The following CSMD2 variants were observed in gnomAD, a reference collection of about 807,000 sequenced individuals.
CSMD2 encodes CUB and sushi domain-containing protein 2.
CSMD2 carries 130 observed loss-of-function variants against 398.5 expected under a neutral mutation model. The observed-to-expected ratio is 0.33, with a 90% CI of 0.28 to 0.38. The LOEUF is 0.38. CSMD2 is among the 10% of genes least tolerant of loss of function. The pLI is 1.00. For missense variants in CSMD2, 3,829 were observed against 4,764.9 expected, an observed-to-expected ratio of 0.80 and a Z score of 5.78; for synonymous variants, 1,828 against 1,908.5, an observed-to-expected ratio of 0.96 and a Z score of 1.10.
chr1:33,986,191 G>A (rs1646353086), intron 3 of CSMD2, among the ~76,000 whole-genome samples: 1 of 152,108 alleles, frequency 6.6e-6, no homozygotes, highest in Admixed American at 6.5e-5. Context: ...CCTTCACCTT[G>A]AAGCTTTCCA....
chr1:33,636,282 T>G lies in CSMD2; in HGVS notation c.4969+78A>C. The G allele has an allele frequency of 7.1e-7, 1 of 1,411,620 alleles. No homozygotes were observed. The highest frequency in any genetic ancestry group is 9.6e-7 in the Non-Finnish European group (1 of 1,045,900). The allele number at this position is 1,411,620 out of a possible 1,614,324, so 87.4% of individuals were successfully genotyped here. On this transcript the variant is annotated intron_variant, in intron 30 of 70. Coordinates refer to ENST00000373381, the MANE Select transcript of CSMD2 (RefSeq NM_001281956.2). The surrounding 1 kb of genome is among the most constrained non-coding windows in gnomAD (Gnocchi z 4.8). ...GGCTTGAGGACCTTGCCCCCCTCCC[T>G]TCCCCAGCCCACAGCACCCTCTGCC... is the stretch of plus-strand genomic sequence containing the variant.
intron 13 of CSMD2, among the ~76,000 whole-genome samples, chr1:33,760,257 T>C (rs1174716433): frequency 6.6e-6 from 1 of 152,174 alleles, no homozygotes; most frequent in African/African-American, 2.4e-5. Context: ...CATTGAGATG[T>C]TTAGAGGTCT....
chr1:34,093,390 G>A lies in CSMD2; in HGVS notation c.188-4197C>T, dbSNP rs574800225. Among the ~76,000 whole-genome samples the A allele has an allele frequency of 1.4e-3, 206 of 152,292 alleles. 1 individual carries two copies. In the Middle Eastern group the frequency reaches 0.014, roughly 10 times the overall value. On this transcript the variant is annotated intron_variant, in intron 1 of 70. Coordinates refer to ENST00000373381, the MANE Select transcript of CSMD2 (RefSeq NM_001281956.2). ...AGGAACGCAGCTCCTCACCAGCAACGGAACAAAGCTGGACGGAGAATGACT... is the reference window on the plus strand; with the variant it reads ...AGGAACGCAGCTCCTCACCAGCAACAGAACAAAGCTGGACGGAGAATGACT...
chr1:33,901,577 A>G lies in CSMD2; in HGVS notation c.920+16517T>C, dbSNP rs774310244. On this transcript the variant is annotated intron_variant, in intron 5 of 70. Transcript: ENST00000373381. ...GGAGGGCACAGGTCCCAATGCATCTAAAGGTTTCAGGAGGGAGACCCTTGC... is the reference window on the plus strand; with the variant it reads ...GGAGGGCACAGGTCCCAATGCATCTGAAGGTTTCAGGAGGGAGACCCTTGC... 2.0e-5 allele frequency among the ~76,000 whole-genome samples: 3 copies of G among 152,300 alleles called. No individual in the cohort carries two copies. The South Asian group carries it at 6.2e-4, about 32-fold the overall frequency.
At chr1:33,820,654 T>C in intron 7 of CSMD2, 98 bp from the exon 8 acceptor site, 3 of 784,736 alleles carry the variant, frequency 3.8e-6, no homozygotes, top group South Asian at 1.6e-5. Context: ...GGGTGGGAGG[T>C]GGAGGCAGAG....
chr1:33,604,640 T>G (rs1640460688), intron 42 of CSMD2, among the ~76,000 whole-genome samples: 1 of 152,156 alleles, frequency 6.6e-6, no homozygotes, highest in Non-Finnish European at 1.5e-5. Flanking sequence ...AGGAAAATGA[T>G]GGGATGCCAG....
In CSMD2 at chr1:33,657,805, T is replaced by C; in HGVS notation, c.4447+141A>G. The C allele has an allele frequency of 6.7e-6, 5 of 749,468 alleles. No individual in the cohort carries two copies. The South Asian group carries it at 9.0e-5, about 14-fold the overall frequency. 46.4% of individuals were successfully genotyped at this position (749,468 alleles called of 1,614,324 possible). On this transcript the variant is annotated intron_variant, in intron 27 of 70. Transcript: ENST00000373381. ...GGGGACACATGCATGCAAAGCAGGGTAAACAATGGGTTTTCTGCAACTTTT... is the reference window on the plus strand; with the variant it reads ...GGGGACACATGCATGCAAAGCAGGGCAAACAATGGGTTTTCTGCAACTTTT...
rs866005159 is a variant in CSMD2 at position 33,661,090 on chromosome 1, T to C, written c.4255+1800A>G. Among the ~76,000 whole-genome samples, 6 of 152,178 alleles carry C rather than the reference T, an allele frequency of 3.9e-5. No individual in the cohort carries two copies. In the South Asian group the frequency reaches 6.2e-4, roughly 16 times the overall value. On this transcript the variant is annotated intron_variant, in intron 26 of 70. Transcript: ENST00000373381. ...ATGAGAAAGCAGCCTGCATACAGCA[T>C]AGGAGAGCACCCAGGGACTCTGTCC... is the stretch of plus-strand genomic sequence containing the variant.
At chr1:33,689,479 A>G (rs1246432348) in intron 25 of CSMD2, among the ~76,000 whole-genome samples, 1 of 151,882 alleles carries the variant, frequency 6.6e-6, no homozygotes, top group Non-Finnish European at 1.5e-5. Flanking sequence ...CGTTTCCTGT[A>G]TTGGTTTTGA....
chr1:33,594,809 T>C (rs1557592445), intron 44 of CSMD2, among the ~76,000 whole-genome samples: 1 of 152,262 alleles, frequency 6.6e-6, no homozygotes, highest in East Asian at 1.9e-4. Flanking sequence ...GCTATTTTGT[T>C]TCTTTTCAGT....
intron 2 of CSMD2, among the ~76,000 whole-genome samples, chr1:34,071,318 T>C (rs1172507925): frequency 6.6e-6 from 1 of 152,252 alleles, no homozygotes; most frequent in Non-Finnish European, 1.5e-5. Flanking sequence ...GTCTATACTG[T>C]CTACAGTGTC....
intron 55 of CSMD2, among the ~76,000 whole-genome samples, chr1:33,552,398 T>C (rs1250332926): frequency 6.6e-6 from 1 of 152,210 alleles, no homozygotes; most frequent in African/African-American, 2.4e-5. Flanking sequence ...GCAATTTCTC[T>C]CCAAGGTATA....
intron 5 of CSMD2, among the ~76,000 whole-genome samples, chr1:33,911,322 C>T (rs1223987152): frequency 2.6e-5 from 4 of 152,166 alleles, no homozygotes; most frequent in African/African-American, 7.2e-5. Flanking sequence ...TCTCCATTGG[C>T]GTGCAATTCT....
intron 10 of CSMD2, among the ~76,000 whole-genome samples, chr1:33,805,997 G>A (rs944127330): frequency 2.0e-5 from 3 of 152,030 alleles, no homozygotes; most frequent in Admixed American, 6.6e-5. Flanking sequence ...ACATGAAGAC[G>A]GCTTTGGTCT....
intron 44 of CSMD2, among the ~76,000 whole-genome samples, chr1:33,590,707 A>C (rs954209595): frequency 3.0e-4 from 46 of 151,928 alleles, no homozygotes; most frequent in Non-Finnish European, 6.3e-4. Context: ...AGGGCAGGGG[A>C]CATTCAAGGC....
At chr1:34,068,722 T>G (rs184095325) in intron 2 of CSMD2, among the ~76,000 whole-genome samples, 122 of 152,320 alleles carry the variant, frequency 8.0e-4, no homozygotes, top group African/African-American at 2.9e-3. Context: ...CATCTTGAAT[T>G]CCCACGTGTT....
At chr1:33,957,236 TCTGA>T (rs1331492902) in intron 3 of CSMD2, among the ~76,000 whole-genome samples, 1 of 152,180 alleles carries the variant, frequency 6.6e-6, no homozygotes, top group Non-Finnish European at 1.5e-5. Context: ...AGGGAGCCTC[TCTGA>T]CTCATTCATT....
At chr1:34,007,386 G>T (rs1313468786) in intron 3 of CSMD2, among the ~76,000 whole-genome samples, 1 of 152,180 alleles carries the variant, frequency 6.6e-6, no homozygotes, top group African/African-American at 2.4e-5. Flanking sequence ...TGGGATATGG[G>T]CAATCCCTCA....
chr1:33,714,462 G>T, intron 21 of CSMD2, 125 bp downstream of exon 21: 1 of 1,122,454 alleles, frequency 8.9e-7, no homozygotes. Context: ...CCCACTGCAG[G>T]TAAGTGTGGT....
Sources: allele counts gnomAD v4.1 joint callset (sites outside exome capture counted in the v4.1 genomes callset), GRCh38; gene constraint gnomAD v4.1.1; non-coding constraint Gnocchi (gnomAD v3.1); transcripts MANE v1.5; gene names NCBI Gene and HGNC (gene_info 2026-07-23, HGNC 2026-07-21).